Variants in NRXN1 observed in about 807,000 individuals in gnomAD.
The protein encoded by NRXN1 is neurexin 1.
NRXN1 carries 39 observed loss-of-function variants against 150.9 expected under a neutral mutation model. That is an observed-to-expected ratio of 0.26 (90% CI 0.20 to 0.34). The LOEUF (loss-of-function observed/expected upper bound fraction) is 0.34, where lower values mean the gene tolerates loss of function less well. Among genes scored for constraint, NRXN1 ranks in the 10% least tolerant of loss-of-function variants. NRXN1 has a pLI of 1.00. For missense variants in NRXN1, 1,815 were observed against 1,949.9 expected (o/e 0.93, Z 1.30); for synonymous variants, 924 against 757.0 (o/e 1.22, Z -3.62).
At chr2:50,924,483 A>G (rs1244915796) in intron 3 of NRXN1, among the ~76,000 whole-genome samples, 1 of 151,722 alleles carries the variant, frequency 6.6e-6, no homozygotes, top group African/African-American at 2.4e-5. Context: ...GAGAAAAGAA[A>G]AGCATTTCAC....
At chr2:50,352,253 G>C (rs1191943490) in intron 17 of NRXN1, among the ~76,000 whole-genome samples, 4 of 152,152 alleles carry the variant, frequency 2.6e-5, no homozygotes, top group African/African-American at 9.7e-5. Flanking sequence ...GTGAGTGGAA[G>C]AGGGAGATTC....
intron 19 of NRXN1, among the ~76,000 whole-genome samples, chr2:50,082,069 G>A (rs184743712): frequency 3.3e-5 from 5 of 152,052 alleles, no homozygotes; most frequent in East Asian, 3.9e-4. Flanking sequence ...CATTTTTTCC[G>A]GCCTTCAGTG....
At position 50,711,481 on chromosome 2, in the gene NRXN1, A is replaced by C. The variant is rs74734312; in HGVS notation, c.833-87866T>G. ...CTCCTGAGTAGCTGGGATTACAGGC[A>C]CATGTTACCACACCTGACTAATTTA... On this transcript the variant is annotated intron_variant, in intron 5 of 22. Transcript: ENST00000401669. Among the ~76,000 whole-genome samples the C allele has an allele frequency of 2.0e-5, 3 of 151,872 alleles. No individual in the cohort carries two copies. The East Asian group carries it at 5.8e-4, about 29-fold the overall frequency.
chr2:50,589,909 A>G (rs1262930966), intron 8 of NRXN1, among the ~76,000 whole-genome samples: 2 of 152,204 alleles, frequency 1.3e-5, no homozygotes, highest in East Asian at 1.9e-4. Flanking sequence ...TGTAAGCACC[A>G]CATGAAGTCA....
rs2091558482 is a variant in NRXN1 at position 50,495,636 on chromosome 2, C to A, written c.3070+269G>T. On this transcript the variant is annotated intron_variant, in intron 15 of 22. Transcript: ENST00000401669. ...TACAAATGCCTTTTTAATATCAAGACCAATATTATATTTTTCTCACTTTTT... is the reference window on the plus strand; with the variant it reads ...TACAAATGCCTTTTTAATATCAAGAACAATATTATATTTTTCTCACTTTTT... 2.0e-5 allele frequency among the ~76,000 whole-genome samples: 3 copies of A among 152,054 alleles called. No homozygotes were observed. In the South Asian group the frequency reaches 6.2e-4, roughly 31 times the overall value.
chr2:50,855,344 T>C (rs1480728720), intron 5 of NRXN1, among the ~76,000 whole-genome samples: 2 of 151,988 alleles, frequency 1.3e-5, no homozygotes, highest in Non-Finnish European at 2.9e-5. Flanking sequence ...CCAAAAAAAG[T>C]ATCCATCTTA....
In NRXN1 at chr2:49,962,742, C is replaced by G. The variant is rs557017074; in HGVS notation, c.4129-18951G>C. 1.1e-4 allele frequency among the ~76,000 whole-genome samples: 17 copies of G among 152,184 alleles called. No homozygotes were observed. In the South Asian group the frequency reaches 3.5e-3, roughly 32 times the overall value. ...GGCCGGACACGGTGGCTCATGAGGT[C>G]AGGAGATCAAGACCATCCTGGCTAA... On this transcript the variant is annotated intron_variant, in intron 21 of 22. Coordinates refer to ENST00000401669, the MANE Select transcript of NRXN1 (RefSeq NM_001330078.2).
At chr2:50,192,588 C>T (rs573982145) in intron 18 of NRXN1, among the ~76,000 whole-genome samples, 6 of 148,864 alleles carry the variant, frequency 4.0e-5, no homozygotes, top group African/African-American at 1.5e-4. Flanking sequence ...GCATACAAAT[C>T]GGAAGAATAT....
chr2:50,810,070 C>T (rs116155015), intron 5 of NRXN1, among the ~76,000 whole-genome samples: 17 of 152,262 alleles, frequency 1.1e-4, no homozygotes, highest in Non-Finnish European at 2.1e-4. Flanking sequence ...ATATATACCT[C>T]AGATAAATTC....
intron 17 of NRXN1, among the ~76,000 whole-genome samples, chr2:50,268,986 T>C (rs1404272183): frequency 6.6e-6 from 1 of 152,194 alleles, no homozygotes; most frequent in East Asian, 1.9e-4. Context: ...ATGCAAGCTC[T>C]TGTGGTTTCT....
chr2:50,379,162 G>C (rs2080756385), intron 17 of NRXN1, among the ~76,000 whole-genome samples: 1 of 152,122 alleles, frequency 6.6e-6, no homozygotes, highest in Non-Finnish European at 1.5e-5. Flanking sequence ...GCATTATTCA[G>C]AGGAAGAAGA....
chr2:50,100,046 G>A (rs537939405), intron 18 of NRXN1, among the ~76,000 whole-genome samples: 1 of 152,190 alleles, frequency 6.6e-6, no homozygotes, highest in South Asian at 2.1e-4. Context: ...CATTGAAGGT[G>A]CCTAAGTTTG....
intron 5 of NRXN1, chr2:50,917,728 T>G (rs1257160167): frequency 1.3e-5 from 2 of 151,682 alleles, no homozygotes; most frequent in East Asian, 1.9e-4. Context: ...GGACACCGAC[T>G]GTGTCAGCCC....
At chr2:50,914,012 C>G (rs1353127535) in intron 5 of NRXN1, among the ~76,000 whole-genome samples, 1 of 151,726 alleles carries the variant, frequency 6.6e-6, no homozygotes, top group East Asian at 1.9e-4. Context: ...CTTTAGCTCT[C>G]ACTCTCTTTT....
chr2:50,859,839 TG>T (rs1675860976), intron 5 of NRXN1, among the ~76,000 whole-genome samples: 1 of 17,430 alleles, frequency 5.7e-5, no homozygotes, highest in Non-Finnish European at 2.0e-4. Context: ...CAATTATGTT[TG>T]TGTGTGTGTG....
intron 21 of NRXN1, among the ~76,000 whole-genome samples, chr2:49,963,598 G>A (rs1676389461): frequency 1.3e-5 from 2 of 152,044 alleles, no homozygotes. Context: ...TTCTAGAAAG[G>A]GGCTTAAAAG....
chr2:50,693,386 C>T (rs922088309), intron 5 of NRXN1, among the ~76,000 whole-genome samples: 6 of 152,118 alleles, frequency 3.9e-5, no homozygotes, highest in African/African-American at 7.2e-5. Context: ...GGATGTTAAA[C>T]AACTTGCCAT....
chr2:50,473,698 C>T (rs180863885), intron 15 of NRXN1, among the ~76,000 whole-genome samples: 53 of 152,144 alleles, frequency 3.5e-4, no homozygotes, highest in African/African-American at 1.3e-3. Flanking sequence ...CACCTGGGTC[C>T]TTCTGTGTTG....
chr2:50,516,080 T>C (rs985364337), intron 12 of NRXN1, among the ~76,000 whole-genome samples: 1 of 152,216 alleles, frequency 6.6e-6, no homozygotes, highest in Non-Finnish European at 1.5e-5. Flanking sequence ...ACCTGTTTGT[T>C]TTAATTTTTC....
Sources: gnomAD v4.1 joint callset for allele counts (sites outside exome capture counted in the v4.1 genomes callset) on GRCh38, gnomAD v4.1.1 for gene constraint, MANE v1.5 for transcripts, NCBI Gene and HGNC (gene_info 2026-07-23, HGNC 2026-07-21) for gene names.